CNTNAP2: variants seen among roughly 807,000 people sequenced by gnomAD.
The protein encoded by CNTNAP2 is contactin associated protein 2.
Under a neutral mutation model 155.2 loss-of-function variants are expected in CNTNAP2, and 98 were observed. The ratio of observed to expected loss-of-function variants is 0.63; its 90% confidence interval spans 0.54 to 0.75. The LOEUF (loss-of-function observed/expected upper bound fraction) is 0.75. Ranked by LOEUF, CNTNAP2 falls within the 30% of genes least tolerant of loss-of-function variation. The probability of loss-of-function intolerance (pLI) is 0.00; values close to 1 mark genes in which losing one functional copy is unlikely to be tolerated. For synonymous variants in CNTNAP2, 651 were observed against 631.2 expected (o/e 1.03, Z -0.47); for missense variants, 1,727 against 1,688.1 (o/e 1.02, Z -0.40).
At chr7:146,697,767 G>C (rs1446410300) in intron 1 of CNTNAP2, among the ~76,000 whole-genome samples, 1 of 151,924 alleles carries the variant, frequency 6.6e-6, no homozygotes, top group Non-Finnish European at 1.5e-5. Flanking sequence ...GGTATATTCA[G>C]ATCATTCACA....
chr7:146,143,667 G>T (rs1797913097), intron 1 of CNTNAP2, among the ~76,000 whole-genome samples: 1 of 152,004 alleles, frequency 6.6e-6, no homozygotes, highest in African/African-American at 2.4e-5. Flanking sequence ...TTAGTTAATG[G>T]TATTGTGTTT....
chr7:147,259,541 G>A (rs1480762623), intron 8 of CNTNAP2, among the ~76,000 whole-genome samples: 3 of 152,170 alleles, frequency 2.0e-5, no homozygotes, highest in Admixed American at 6.5e-5. Flanking sequence ...ATTCTTCAGA[G>A]AAGACAATGT....
chr7:146,292,457 T>A lies in CNTNAP2; in HGVS notation c.97+175484T>A, dbSNP rs115029236. Among the ~76,000 whole-genome samples, 814 of 152,246 alleles carry A rather than the reference T, an allele frequency of 5.3e-3. 10 individuals are homozygous for A. The highest frequency in any genetic ancestry group is 0.019 in the African/African-American group (778 of 41,532). On this transcript the variant is annotated intron_variant, in intron 1 of 23. Transcript: ENST00000361727. ...GAATAAAAATTTTAAAAAATGAGTG[T>A]TATCAAAAAGAAACAAGAGAACAAG...
chr7:148,170,408 A>G (rs1182854221), intron 17 of CNTNAP2, among the ~76,000 whole-genome samples: 5 of 152,250 alleles, frequency 3.3e-5, no homozygotes, highest in African/African-American at 4.8e-5. Context: ...AGGTGTAACT[A>G]GAGGGTTGAA....
At chr7:146,445,286 T>C (rs2129120854) in intron 1 of CNTNAP2, among the ~76,000 whole-genome samples, 1 of 152,314 alleles carries the variant, frequency 6.6e-6, no homozygotes, top group Admixed American at 6.5e-5. Flanking sequence ...TCAAATCAAG[T>C]ATCATAGATT....
intron 21 of CNTNAP2, among the ~76,000 whole-genome samples, chr7:148,342,539 G>C (rs1798254512): frequency 6.6e-6 from 1 of 152,218 alleles, no homozygotes. Flanking sequence ...TGGTATATCT[G>C]TGCATACATG....
chr7:146,386,165 T>C (rs1475876891), intron 1 of CNTNAP2, among the ~76,000 whole-genome samples: 1 of 152,184 alleles, frequency 6.6e-6, no homozygotes, highest in African/African-American at 2.4e-5. Context: ...CTAGTATTTC[T>C]GAATAAGTAT....
chr7:146,565,755 A>G (rs756068580), intron 1 of CNTNAP2, among the ~76,000 whole-genome samples: 9 of 152,250 alleles, frequency 5.9e-5, no homozygotes, highest in Admixed American at 1.3e-4. Context: ...TTCTATTTAG[A>G]ATAAACGATG....
intron 13 of CNTNAP2, among the ~76,000 whole-genome samples, chr7:147,803,087 G>C (rs1798033956): frequency 2.6e-5 from 4 of 152,140 alleles, no homozygotes; most frequent in Admixed American, 2.6e-4. Flanking sequence ...TAGAGGAAAA[G>C]TACTGTAATT....
At chr7:147,189,834 C>T (rs539572297) in intron 8 of CNTNAP2, among the ~76,000 whole-genome samples, 114 of 152,118 alleles carry the variant, frequency 7.5e-4, no homozygotes, top group African/African-American at 2.7e-3. Context: ...AAGCTCCGCC[C>T]CCCAAGTTCA....
intron 2 of CNTNAP2, among the ~76,000 whole-genome samples, chr7:146,825,486 G>T (rs1243493381): frequency 6.6e-6 from 1 of 152,100 alleles, no homozygotes; most frequent in Non-Finnish European, 1.5e-5. Context: ...AAAGGCATTT[G>T]AGTTAGATCT....
chr7:147,228,182 A>G (rs979615409), intron 8 of CNTNAP2, among the ~76,000 whole-genome samples: 2 of 152,238 alleles, frequency 1.3e-5, no homozygotes, highest in Non-Finnish European at 2.9e-5. Context: ...AGAAAGAATG[A>G]AAGTAAAAAG....
chr7:146,937,669 TCTTA>T, intron 3 of CNTNAP2, among the ~76,000 whole-genome samples: 1 of 152,334 alleles, frequency 6.6e-6, no homozygotes, highest in South Asian at 2.1e-4. Flanking sequence ...TGGCTCTTGC[TCTTA>T]CTTTTATTTT....
rs184165426 is a variant in CNTNAP2 at position 146,320,592 on chromosome 7, T to A, written c.97+203619T>A. Among the ~76,000 whole-genome samples, 3 of 152,316 alleles carry A rather than the reference T, an allele frequency of 2.0e-5. No homozygotes were observed. In the East Asian group the frequency reaches 5.8e-4, roughly 29 times the overall value. On this transcript the variant is annotated intron_variant, in intron 1 of 23. Coordinates refer to ENST00000361727, the MANE Select transcript of CNTNAP2 (RefSeq NM_014141.6). ...TCTATGATCAGAACTAATTTTTTTCTTCCCTTTAAGCATACTGAGGGTTTG... is the reference window on the plus strand; with the variant it reads ...TCTATGATCAGAACTAATTTTTTTCATCCCTTTAAGCATACTGAGGGTTTG...
At chr7:148,368,697 G>A (rs1431457340) in intron 21 of CNTNAP2, among the ~76,000 whole-genome samples, 1 of 152,190 alleles carries the variant, frequency 6.6e-6, no homozygotes, top group East Asian at 1.9e-4. Context: ...ACCCGAGTGA[G>A]CAATTCCTGT....
intron 20 of CNTNAP2, among the ~76,000 whole-genome samples, chr7:148,231,893 G>A (rs1795968658): frequency 6.6e-6 from 1 of 152,158 alleles, no homozygotes; most frequent in South Asian, 2.1e-4. Flanking sequence ...AAGGAGATAG[G>A]ACGACAGGAG....
intron 1 of CNTNAP2, among the ~76,000 whole-genome samples, chr7:146,670,515 A>G (rs1344729123): frequency 2.0e-5 from 3 of 152,200 alleles, no homozygotes; most frequent in African/African-American, 7.2e-5. Context: ...AGTCTTATAG[A>G]CAGACTCGGA....
chr7:148,211,738 T>A (rs1795555188), intron 18 of CNTNAP2, among the ~76,000 whole-genome samples: 1 of 152,232 alleles, frequency 6.6e-6, no homozygotes, highest in Non-Finnish European at 1.5e-5. Flanking sequence ...TGCTTTCCTA[T>A]TTTAATTACT....
chr7:147,089,087 G>A (rs188350395), intron 4 of CNTNAP2, among the ~76,000 whole-genome samples: 6 of 152,166 alleles, frequency 3.9e-5, no homozygotes, highest in Non-Finnish European at 7.4e-5. Context: ...CTGGCTGTCC[G>A]CCCAAGATGG....
Sources: allele counts gnomAD v4.1 joint callset (sites outside exome capture counted in the v4.1 genomes callset), GRCh38; gene constraint gnomAD v4.1.1; transcripts MANE v1.5; gene names NCBI Gene and HGNC (gene_info 2026-07-23, HGNC 2026-07-21).